RFX8: variants seen among roughly 807,000 people sequenced by gnomAD.
RFX8 encodes regulatory factor X8.
Under a neutral mutation model 54.6 loss-of-function variants are expected in RFX8, and 46 were observed. The ratio of observed to expected loss-of-function variants is 0.84; its 90% CI spans 0.67 to 1.08. The LOEUF is 1.08. Among genes scored for constraint, RFX8 ranks in the 50% least tolerant of loss-of-function variants. The probability of loss-of-function intolerance (pLI) is 0.00; values close to 1 mark genes in which losing one functional copy is unlikely to be tolerated. For missense variants in RFX8, 536 were observed against 562.3 expected, an observed-to-expected ratio of 0.95 and a Z score of 0.47; for synonymous variants, 192 against 209.5, an observed-to-expected ratio of 0.92 and a Z score of 0.72.
At chr2:101,435,721 G>C (rs1419559101) in intron 2 of RFX8, among the ~76,000 whole-genome samples, 2 of 152,166 alleles carry the variant, frequency 1.3e-5, no homozygotes, top group Non-Finnish European at 2.9e-5. Context: ...TGGAATCTGG[G>C]GAGGCCATTC....
At chr2:101,414,456 T>A (rs903125350) in intron 7 of RFX8, among the ~76,000 whole-genome samples, 1 of 143,970 alleles carries the variant, frequency 6.9e-6, no homozygotes, top group African/African-American at 2.6e-5. Context: ...TTTTTTTTGA[T>A]AGAGACAGGG....
chr2:101,403,243 G>A (rs1007304604), intron 10 of RFX8, among the ~76,000 whole-genome samples: 1 of 152,132 alleles, frequency 6.6e-6, no homozygotes, highest in African/African-American at 2.4e-5. Flanking sequence ...GTGGGAAGTG[G>A]GTAAGGAGGC....
rs1307970428 is a variant in RFX8, at chr2:101,417,687, A to T, written c.352-3T>A. On this transcript the variant is annotated splice_polypyrimidine_tract_variant and splice_region_variant and intron_variant, in intron 5 of 11. Transcript: ENST00000428343. ...TGAAGGAGAACATCCTCAATTCCCT[A>T]CAACAAAAGTAACAAGACACTATGA... is the stretch of plus-strand genomic sequence containing the variant. 6.5e-7 allele frequency: 1 copy of T among 1,544,780 alleles called. No individual in the cohort carries two copies. The highest frequency in any genetic ancestry group is 8.7e-7 in the Non-Finnish European group (1 of 1,143,818).
chr2:101,438,842 G>A (rs567795144), intron 2 of RFX8, among the ~76,000 whole-genome samples: 2 of 152,062 alleles, frequency 1.3e-5, no homozygotes, highest in African/African-American at 4.8e-5. Context: ...ACGGAGTTTC[G>A]CTCTTGTTGC....
chr2:101,451,708 A>T (rs1238697751), intron 2 of RFX8, among the ~76,000 whole-genome samples: 1 of 142,356 alleles, frequency 7.0e-6, no homozygotes, highest in East Asian at 2.1e-4. Context: ...AAAAAAAAAG[A>T]AAAGTAATAT....
At chr2:101,425,733 T>A (rs1687133698) in intron 2 of RFX8, among the ~76,000 whole-genome samples, 1 of 152,214 alleles carries the variant, frequency 6.6e-6, no homozygotes, top group Non-Finnish European at 1.5e-5. Context: ...ACAATATTTT[T>A]AAAATCATAA....
intron 2 of RFX8, among the ~76,000 whole-genome samples, chr2:101,423,221 G>A (rs1686968252): frequency 6.9e-6 from 1 of 145,182 alleles, no homozygotes; most frequent in African/African-American, 2.6e-5. Context: ...TCACGCCACT[G>A]CACTCTAGCC....
intron 2 of RFX8, chr2:101,429,137 A>C (rs1573410277): frequency 1.6e-6 from 1 of 612,646 alleles, no homozygotes. Context: ...TTATTGAAAA[A>C]CCCTCTGCCA....
chr2:101,401,092 G>C (rs918887880), intron 11 of RFX8, among the ~76,000 whole-genome samples: 1 of 152,158 alleles, frequency 6.6e-6, no homozygotes, highest in Non-Finnish European at 1.5e-5. Flanking sequence ...TTTTCACATG[G>C]ACACTCGTGG....
chr2:101,472,663 A>G (rs1690074685), intron 1 of RFX8, among the ~76,000 whole-genome samples: 1 of 152,144 alleles, frequency 6.6e-6, no homozygotes, highest in Non-Finnish European at 1.5e-5. Context: ...TATAAAATAC[A>G]CTAACACTAA....
At chr2:101,410,417 A>ACACACT (rs1553451405) in intron 9 of RFX8, among the ~76,000 whole-genome samples, 9,576 of 147,810 alleles carry the variant, frequency 0.065, 415 homozygotes, top group Middle Eastern at 0.16. Flanking sequence ...ACACACACAC[A>ACACACT]CTTATGTGAT....
intron 10 of RFX8, among the ~76,000 whole-genome samples, chr2:101,404,338 C>A (rs964677524): frequency 6.6e-6 from 1 of 152,196 alleles, no homozygotes; most frequent in Non-Finnish European, 1.5e-5. Context: ...AGTCCAAGTC[C>A]TGAAACCATT....
intron 7 of RFX8, among the ~76,000 whole-genome samples, chr2:101,414,526 G>A (rs1027428901): frequency 4.0e-5 from 6 of 151,568 alleles, no homozygotes; most frequent in Admixed American, 6.6e-5. Flanking sequence ...TGCCTGCCTC[G>A]GACTTCCAAA....
At chr2:101,400,384 G>T (rs1685359725) in intron 11 of RFX8, among the ~76,000 whole-genome samples, 1 of 152,162 alleles carries the variant, frequency 6.6e-6, no homozygotes, top group South Asian at 2.1e-4. Context: ...TCCAGGTGAT[G>T]TCTGGTCACC....
rs972540473 is a variant in RFX8 at position 101,474,889 on chromosome 2, T to C, written c.-306A>G. 5.9e-5 allele frequency among the ~76,000 whole-genome samples: 9 copies of C among 152,054 alleles called. No homozygotes were observed. The highest frequency in any genetic ancestry group is 2.1e-4 in the South Asian group (1 of 4,822). On this transcript the variant is annotated 5_prime_UTR_variant, in exon 1 of 12. Transcript: ENST00000428343. ...CTGAAAACCACTGTCTCTAGGAGTT[T>C]TGAAAAATCTCGGAGCTCTCTGGCA...
intron 6 of RFX8, among the ~76,000 whole-genome samples, chr2:101,417,030 G>C (rs1686559649): frequency 6.6e-6 from 1 of 152,144 alleles, no homozygotes; most frequent in Non-Finnish European, 1.5e-5. Context: ...AAGAGAAATA[G>C]CTTAAAAGGG....
chr2:101,443,594 T>C (rs1158675561), intron 2 of RFX8, among the ~76,000 whole-genome samples: 2 of 152,124 alleles, frequency 1.3e-5, no homozygotes, highest in Non-Finnish European at 1.5e-5. Context: ...AGAAGAGCTC[T>C]GAAAGCGGGA....
intron 2 of RFX8, among the ~76,000 whole-genome samples, chr2:101,438,567 A>G (rs759187673): frequency 2.6e-5 from 4 of 152,188 alleles, no homozygotes; most frequent in Non-Finnish European, 5.9e-5. Context: ...CTGTGTGGAT[A>G]TAAGTTCTCA....
intron 1 of RFX8, among the ~76,000 whole-genome samples, chr2:101,472,110 T>C (rs1426375231): frequency 6.6e-6 from 1 of 152,172 alleles, no homozygotes; most frequent in African/African-American, 2.4e-5. Context: ...GGTTTTTTAT[T>C]TTGTTTTGAG....
Sources: gnomAD v4.1 joint callset for allele counts (sites outside exome capture counted in the v4.1 genomes callset) on GRCh38, gnomAD v4.1.1 for gene constraint, MANE v1.5 for transcripts, NCBI Gene and HGNC (gene_info 2026-07-23, HGNC 2026-07-21) for gene names.